TFAP2D: variants seen among roughly 807,000 people sequenced by gnomAD.
The protein encoded by TFAP2D is transcription factor AP-2 delta, also known as transcription factor AP-2-delta.
TFAP2D carries 9 observed loss-of-function variants against 43.6 expected under a neutral mutation model. The observed-to-expected ratio is 0.21, with a 90% CI of 0.12 to 0.36. The LOEUF (loss-of-function observed/expected upper bound fraction) is 0.36. TFAP2D is among the 10% of genes least tolerant of loss of function. The pLI is 1.00. For synonymous variants in TFAP2D, 256 were observed against 224.9 expected, an observed-to-expected ratio of 1.14 and a Z score of -1.24; for missense variants, 513 against 561.4, an observed-to-expected ratio of 0.91 and a Z score of 0.87.
chr6:50,737,551 C>T (rs906213945), intron 5 of TFAP2D, among the ~76,000 whole-genome samples: 1 of 152,076 alleles, frequency 6.6e-6, no homozygotes, highest in East Asian at 1.9e-4. Context: ...CACTCTGTTC[C>T]CCAGTCATTC....
At chr6:50,751,134 C>T (rs566137899) in intron 6 of TFAP2D, 77 bp from the exon 7 acceptor site, 54 of 1,001,720 alleles carry the variant, frequency 5.4e-5, no homozygotes, top group Non-Finnish European at 7.9e-5. Context: ...GAGAACAAGC[C>T]TTTGGTTAAA....
chr6:50,729,105 A>G, intron 4 of TFAP2D, 84 bp downstream of exon 4: 1 of 1,601,246 alleles, frequency 6.2e-7, no homozygotes, highest in African/African-American at 1.3e-5. Context: ...CTTCCATCTG[A>G]TAGTGTATTC....
intron 6 of TFAP2D, among the ~76,000 whole-genome samples, chr6:50,746,528 A>G (rs1042963410): frequency 8.5e-5 from 13 of 152,306 alleles, no homozygotes; most frequent in African/African-American, 2.6e-4. Context: ...ATCAGCCACT[A>G]TGCCCAGCCT....
At position 50,729,326 on chromosome 6, in the gene TFAP2D, G is replaced by T; in HGVS notation, c.883+14G>T. Reference sequence around the variant, plus strand: ...CCTTGGTTGAAGGTATGACTTTTCAGTTTAGCAAAATAATGCTGGAAGGTT... The same window carrying T: ...CCTTGGTTGAAGGTATGACTTTTCATTTTAGCAAAATAATGCTGGAAGGTT... On this transcript the variant is annotated intron_variant, in intron 5 of 7. Transcript: ENST00000008391. 6.2e-7 allele frequency: 1 copy of T among 1,606,550 alleles called. No homozygotes were observed. Among genetic ancestry groups the T allele is most frequent in the East Asian group, 2.2e-5 (1 of 44,834 alleles).
intron 5 of TFAP2D, among the ~76,000 whole-genome samples, chr6:50,729,751 G>C (rs116689689): frequency 2.6e-5 from 4 of 152,130 alleles, no homozygotes; most frequent in African/African-American, 4.8e-5. Context: ...GAGCCTGAAA[G>C]CATATTGTAT....
intron 5 of TFAP2D, 70 bp downstream of exon 5, chr6:50,729,382 T>C: frequency 7.6e-7 from 1 of 1,311,228 alleles, no homozygotes; most frequent in Non-Finnish European, 1.1e-6. Flanking sequence ...GTTTCTTAAA[T>C]TATGCTGTTT....
intron 2 of TFAP2D, 111 bp from the exon 3 acceptor site, chr6:50,718,979 A>T: frequency 1.9e-6 from 2 of 1,040,992 alleles, no homozygotes; most frequent in South Asian, 1.6e-5. Flanking sequence ...CTTGCTTTCA[A>T]ATGTCTACTG....
chr6:50,749,855 G>T (rs937083561), intron 6 of TFAP2D, among the ~76,000 whole-genome samples: 1 of 151,830 alleles, frequency 6.6e-6, no homozygotes, highest in African/African-American at 2.4e-5. Context: ...GGCCCTTTAG[G>T]AAGGGGATGT....
At chr6:50,771,350 AT>A (rs1561943360) in intron 7 of TFAP2D, among the ~76,000 whole-genome samples, 8 of 152,264 alleles carry the variant, frequency 5.3e-5, no homozygotes, top group Middle Eastern at 3.4e-3. Context: ...ACTTCTCTTT[AT>A]GTTACATTGT....
chr6:50,770,833 T>G (rs1345127830), intron 7 of TFAP2D, among the ~76,000 whole-genome samples: 2 of 152,152 alleles, frequency 1.3e-5, no homozygotes, highest in East Asian at 1.9e-4. Flanking sequence ...AGTTACAAGC[T>G]AGGACTTTAG....
chr6:50,743,064 C>T (rs931763456), intron 5 of TFAP2D, among the ~76,000 whole-genome samples: 4 of 151,704 alleles, frequency 2.6e-5, no homozygotes, highest in African/African-American at 9.7e-5. Flanking sequence ...CCCCATTAAA[C>T]TAGCACTATT....
intron 5 of TFAP2D, 72 bp from the exon 6 acceptor site, chr6:50,745,035 G>C: frequency 6.4e-7 from 1 of 1,563,488 alleles, no homozygotes; most frequent in Non-Finnish European, 8.7e-7. Context: ...TGAGGCTTGA[G>C]CAAAATGCAA....
intron 5 of TFAP2D, among the ~76,000 whole-genome samples, chr6:50,729,628 G>A (rs1364362879): frequency 6.6e-6 from 1 of 152,066 alleles, no homozygotes; most frequent in Non-Finnish European, 1.5e-5. Flanking sequence ...TTGCATTATT[G>A]TTTATTTCAG....
chr6:50,760,146 C>G (rs1427820410), intron 7 of TFAP2D, among the ~76,000 whole-genome samples: 2 of 151,976 alleles, frequency 1.3e-5, no homozygotes, highest in African/African-American at 4.8e-5. Flanking sequence ...AAAACTTGAT[C>G]ATGAAAACTG....
At chr6:50,716,064 C>T (rs951494539) in intron 2 of TFAP2D, among the ~76,000 whole-genome samples, 1 of 152,096 alleles carries the variant, frequency 6.6e-6, no homozygotes, top group African/African-American at 2.4e-5. Context: ...CAGGGTCTTC[C>T]GAGGCGTCCC....
At chr6:50,743,752 T>C in intron 5 of TFAP2D, among the ~76,000 whole-genome samples, 1 of 152,280 alleles carries the variant, frequency 6.6e-6, no homozygotes, top group East Asian at 1.9e-4. Context: ...TATTATCAGC[T>C]ATTTCATTTT....
intron 7 of TFAP2D, among the ~76,000 whole-genome samples, chr6:50,752,769 C>G (rs1220128486): frequency 2.0e-5 from 3 of 151,908 alleles, no homozygotes; most frequent in East Asian, 3.9e-4. Context: ...TGTAATAAAA[C>G]TGGGGGAAAA....
intron 3 of TFAP2D, among the ~76,000 whole-genome samples, chr6:50,721,402 G>T (rs923385150): frequency 7.2e-5 from 11 of 152,156 alleles, no homozygotes; most frequent in African/African-American, 2.7e-4. Context: ...GGAGAGGAGG[G>T]TGTGTGTCTA....
At chr6:50,748,809 C>T (rs1769160513) in intron 6 of TFAP2D, among the ~76,000 whole-genome samples, 1 of 151,758 alleles carries the variant, frequency 6.6e-6, no homozygotes, top group Admixed American at 6.6e-5. Flanking sequence ...TTTAGTGTTA[C>T]CATACTGTTA....
Sources: allele counts gnomAD v4.1 joint callset (sites outside exome capture counted in the v4.1 genomes callset), GRCh38; gene constraint gnomAD v4.1.1; transcripts MANE v1.5; gene names NCBI Gene and HGNC (gene_info 2026-07-23, HGNC 2026-07-21).